The following CACNA2D3 variants were observed in gnomAD, a reference collection of about 807,000 sequenced individuals.
CACNA2D3 encodes the protein calcium voltage-gated channel auxiliary subunit alpha2delta 3, also known as voltage-dependent calcium channel subunit alpha-2/delta-3.
CACNA2D3 carries 60 observed loss-of-function variants against 160.6 expected under a neutral mutation model. The ratio of observed to expected loss-of-function variants is 0.37; its 90% confidence interval spans 0.30 to 0.46. The LOEUF (loss-of-function observed/expected upper bound fraction) is 0.46, where lower values mean the gene tolerates loss of function less well. Ranked by LOEUF, CACNA2D3 falls within the 20% of genes least tolerant of loss-of-function variation. The pLI, the probability that CACNA2D3 is intolerant of heterozygous loss-of-function variation, is 1.00. For missense variants in CACNA2D3, 1,205 were observed against 1,365.0 expected (o/e 0.88, Z 1.85); for synonymous variants, 558 against 492.9 (o/e 1.13, Z -1.75).
rs370495383 is a variant in CACNA2D3 at position 54,828,522 on chromosome 3, A to G, written c.1399-8637A>G. Reference sequence around the variant, plus strand: ...TAAAACATATTCCTTTCTTAATGACATATCCTAGAATCACTGGAACAAAAG... The same window carrying G: ...TAAAACATATTCCTTTCTTAATGACGTATCCTAGAATCACTGGAACAAAAG... On this transcript the variant is annotated intron_variant, in intron 14 of 37. Coordinates refer to ENST00000474759, the MANE Select transcript of CACNA2D3 (RefSeq NM_018398.3). Among the ~76,000 whole-genome samples, 55 of 152,338 alleles carry G rather than the reference A, an allele frequency of 3.6e-4. 1 individual carries two copies. The highest frequency in any genetic ancestry group is 5.3e-4 in the African/African-American group (22 of 41,566).
At chr3:54,572,756 C>T (rs1702520213) in intron 8 of CACNA2D3, among the ~76,000 whole-genome samples, 1 of 152,216 alleles carries the variant, frequency 6.6e-6, no homozygotes. Flanking sequence ...TTGATCCCCA[C>T]ACATCCTGAA....
chr3:54,142,724 C>T (rs1699959658), intron 2 of CACNA2D3, among the ~76,000 whole-genome samples: 1 of 152,146 alleles, frequency 6.6e-6, no homozygotes, highest in South Asian at 2.1e-4. Flanking sequence ...ACTCTATTAC[C>T]ATCCATATTT....
chr3:54,274,963 A>G (rs1702704230), intron 2 of CACNA2D3, among the ~76,000 whole-genome samples: 1 of 152,234 alleles, frequency 6.6e-6, no homozygotes, highest in Admixed American at 6.5e-5. Flanking sequence ...AGAAGTCACC[A>G]GGTCTAACCC....
intron 11 of CACNA2D3, among the ~76,000 whole-genome samples, chr3:54,740,327 A>G (rs1215840168): frequency 6.6e-6 from 1 of 152,128 alleles, no homozygotes; most frequent in Non-Finnish European, 1.5e-5. Flanking sequence ...GCTTCTCAAA[A>G]AGAAGATAAT....
At chr3:54,287,893 A>C (rs1250238057) in intron 2 of CACNA2D3, among the ~76,000 whole-genome samples, 2 of 150,286 alleles carry the variant, frequency 1.3e-5, no homozygotes, top group African/African-American at 2.5e-5. Flanking sequence ...ACAAAGGCAC[A>C]ACATACCAGA....
intron 9 of CACNA2D3, among the ~76,000 whole-genome samples, chr3:54,589,621 A>G (rs1702824138): frequency 1.3e-5 from 2 of 152,180 alleles, no homozygotes; most frequent in African/African-American, 4.8e-5. Flanking sequence ...AAGATAAGCT[A>G]CAGATTGAGA....
intron 17 of CACNA2D3, among the ~76,000 whole-genome samples, chr3:54,862,181 CAGA>C (rs1311776390): frequency 6.6e-6 from 1 of 152,094 alleles, no homozygotes; most frequent in Non-Finnish European, 1.5e-5. Flanking sequence ...CAGAGGGTTG[CAGA>C]AGAAGGGCCA....
intron 4 of CACNA2D3, among the ~76,000 whole-genome samples, chr3:54,488,335 A>G (rs1450944128): frequency 6.6e-6 from 1 of 152,196 alleles, no homozygotes; most frequent in African/African-American, 2.4e-5. Flanking sequence ...CTGATGAATG[A>G]AAGAACTGAT....
At chr3:54,218,632 A>G (rs1701507951) in intron 2 of CACNA2D3, among the ~76,000 whole-genome samples, 1 of 152,230 alleles carries the variant, frequency 6.6e-6, no homozygotes, top group Admixed American at 6.5e-5. Context: ...TGCTGTAACA[A>G]ATATCACAAA....
At position 54,838,563 on chromosome 3, in the gene CACNA2D3, G is replaced by C. The variant is rs756082606; in HGVS notation, c.1471-5G>C. ...TTATTATAATTCAATGTTTATTTTCGACAGAGATCGAAGGGCATTCTTCTG... is the reference window on the plus strand; with the variant it reads ...TTATTATAATTCAATGTTTATTTTCCACAGAGATCGAAGGGCATTCTTCTG... On this transcript the variant is annotated splice_polypyrimidine_tract_variant and splice_region_variant and intron_variant, in intron 15 of 37. Transcript: ENST00000474759. The C allele has an allele frequency of 6.2e-7, 1 of 1,609,602 alleles. No individual in the cohort carries two copies. The highest frequency in any genetic ancestry group is 1.7e-5 in the Admixed American group (1 of 59,982).
At chr3:54,771,113 C>T (rs1042253918) in intron 13 of CACNA2D3, among the ~76,000 whole-genome samples, 1 of 152,022 alleles carries the variant, frequency 6.6e-6, no homozygotes, top group Non-Finnish European at 1.5e-5. Flanking sequence ...CTTATTGTCT[C>T]TTAGTGGCCT....
chr3:54,454,252 C>T (rs1443867315), intron 4 of CACNA2D3, among the ~76,000 whole-genome samples: 1 of 152,100 alleles, frequency 6.6e-6, no homozygotes, highest in Non-Finnish European at 1.5e-5. Flanking sequence ...AAAATTCATA[C>T]ACTTTAAGTG....
At chr3:54,771,069 G>A (rs1285047899) in intron 13 of CACNA2D3, among the ~76,000 whole-genome samples, 4 of 152,098 alleles carry the variant, frequency 2.6e-5, no homozygotes, top group Admixed American at 1.3e-4. Flanking sequence ...TTGATGTGGT[G>A]GATCTGGGGG....
In CACNA2D3 at chr3:54,231,779, T is replaced by C. The variant is rs531718912; in HGVS notation, c.205-88663T>C. Among the ~76,000 whole-genome samples, 213 of 152,378 alleles carry C rather than the reference T, an allele frequency of 1.4e-3. 1 individual carries two copies. The highest frequency in any genetic ancestry group is 2.9e-3 in the Non-Finnish European group (194 of 68,046). On this transcript the variant is annotated intron_variant, in intron 2 of 37. Transcript: ENST00000474759. ...CATGGTCTTGTCAAGGCCAAGGTTA[T>C]TGGTTTCATGTTCGTCATATTCCAT...
At chr3:54,972,620 C>T (rs115695954) in intron 29 of CACNA2D3, among the ~76,000 whole-genome samples, 1,763 of 152,270 alleles carry the variant, frequency 0.012, 29 homozygotes, top group African/African-American at 0.04. Flanking sequence ...CACACTTAGC[C>T]TTAGATCCAC....
chr3:54,636,466 A>G (rs1232073770), intron 10 of CACNA2D3, among the ~76,000 whole-genome samples: 2 of 151,990 alleles, frequency 1.3e-5, no homozygotes, highest in Middle Eastern at 3.2e-3. Context: ...TGCGTCAGGT[A>G]TGAGGAAGAA....
At chr3:54,209,189 C>G (rs929912787) in intron 2 of CACNA2D3, among the ~76,000 whole-genome samples, 19 of 152,318 alleles carry the variant, frequency 1.2e-4, no homozygotes, top group Non-Finnish European at 2.9e-5. Context: ...GGTCAGTTCA[C>G]TGGAACCAAG....
intron 2 of CACNA2D3, among the ~76,000 whole-genome samples, chr3:54,318,246 T>A (rs1251825399): frequency 6.6e-6 from 1 of 152,132 alleles, no homozygotes; most frequent in East Asian, 1.9e-4. Flanking sequence ...GGGTCTGGGA[T>A]GGAGCATGAA....
chr3:54,908,207 T>G (rs1425930378), intron 27 of CACNA2D3, among the ~76,000 whole-genome samples: 1 of 152,206 alleles, frequency 6.6e-6, no homozygotes, highest in Non-Finnish European at 1.5e-5. Flanking sequence ...TCTACATCCT[T>G]TCTAATACTG....
Sources: allele counts gnomAD v4.1 joint callset (sites outside exome capture counted in the v4.1 genomes callset), GRCh38; gene constraint gnomAD v4.1.1; transcripts MANE v1.5; gene names NCBI Gene and HGNC (gene_info 2026-07-23, HGNC 2026-07-21).